Variants in MTUS2 observed in about 807,000 individuals in gnomAD.
MTUS2 encodes microtubule-associated tumor suppressor candidate 2.
In MTUS2, 40 loss-of-function variants were observed where a neutral mutation model predicts 114.1. The ratio of observed to expected loss-of-function variants is 0.35; its 90% CI spans 0.27 to 0.46. The LOEUF (loss-of-function observed/expected upper bound fraction) is 0.46, where lower values mean the gene tolerates loss of function less well. MTUS2 is among the 20% of genes least tolerant of loss of function. The probability of loss-of-function intolerance (pLI) is 1.00; values close to 1 mark genes in which losing one functional copy is unlikely to be tolerated. For missense variants in MTUS2, 1,679 were observed against 1,705.4 expected (o/e 0.98, Z 0.27); for synonymous variants, 688 against 672.0 (o/e 1.02, Z -0.37).
chr13:29,488,061 T>G, intron 11 of MTUS2, 56 bp downstream of exon 11: 1 of 1,362,566 alleles, frequency 7.3e-7, no homozygotes, highest in Non-Finnish European at 1.0e-6. Context: ...TCCGAGCCTT[T>G]CCTGCTGCAG....
intron 5 of MTUS2, among the ~76,000 whole-genome samples, chr13:29,181,876 A>G (rs1169801750): frequency 6.6e-6 from 1 of 151,910 alleles, no homozygotes; most frequent in African/African-American, 2.4e-5. Flanking sequence ...CTTGCTGATA[A>G]TAGAAAATAA....
At chr13:29,241,290 T>C (rs896399111) in intron 5 of MTUS2, among the ~76,000 whole-genome samples, 1 of 152,068 alleles carries the variant, frequency 6.6e-6, no homozygotes, top group Non-Finnish European at 1.5e-5. Flanking sequence ...CATGGAGACT[T>C]TAAGTGAAAA....
intron 2 of MTUS2, among the ~76,000 whole-genome samples, chr13:28,973,498 T>A (rs1277087710): frequency 6.6e-6 from 1 of 152,238 alleles, no homozygotes; most frequent in Admixed American, 6.5e-5. Flanking sequence ...GGTCACAGGA[T>A]ATATGCATCT....
At chr13:29,429,157 G>T (rs1452352056) in intron 8 of MTUS2, among the ~76,000 whole-genome samples, 1 of 152,228 alleles carries the variant, frequency 6.6e-6, no homozygotes, top group Non-Finnish European at 1.5e-5. Flanking sequence ...TCCTGAAATA[G>T]TAGGATTCTG....
intron 2 of MTUS2, among the ~76,000 whole-genome samples, chr13:29,015,058 CATT>C (rs2057470447): frequency 2.6e-5 from 4 of 152,190 alleles, no homozygotes; most frequent in African/African-American, 9.7e-5. Flanking sequence ...TGTATGGTTA[CATT>C]TAAGCGACAT....
intron 2 of MTUS2, among the ~76,000 whole-genome samples, chr13:28,940,598 T>TATAA (rs1882177482): frequency 1.3e-5 from 2 of 151,976 alleles, no homozygotes; most frequent in Non-Finnish European, 2.9e-5. Flanking sequence ...GAAATAGAAC[T>TATAA]ATAAGAGAGT....
chr13:29,246,874 C>T (rs533040456), intron 5 of MTUS2, among the ~76,000 whole-genome samples: 443 of 149,520 alleles, frequency 3.0e-3, no homozygotes, highest in Non-Finnish European at 4.8e-3. Context: ...ATCAAAATAC[C>T]ACCATCTTTC....
chr13:28,918,712 T>G (rs1880881395), intron 2 of MTUS2, among the ~76,000 whole-genome samples: 1 of 152,060 alleles, frequency 6.6e-6, no homozygotes, highest in Non-Finnish European at 1.5e-5. Flanking sequence ...CTCTTGCTAT[T>G]TTGCTGTTTG....
chr13:29,146,822 T>C (rs964406127), intron 5 of MTUS2, among the ~76,000 whole-genome samples: 2 of 152,206 alleles, frequency 1.3e-5, no homozygotes, highest in Admixed American at 1.3e-4. Flanking sequence ...GCACAATATG[T>C]TGCAGGATTG....
At chr13:29,445,654 C>G (rs1043930517) in intron 9 of MTUS2, among the ~76,000 whole-genome samples, 1 of 152,108 alleles carries the variant, frequency 6.6e-6, no homozygotes, top group Non-Finnish European at 1.5e-5. Flanking sequence ...TGCTTATAAT[C>G]CCAGCACTTT....
intron 1 of MTUS2, among the ~76,000 whole-genome samples, chr13:28,821,664 T>C (rs1435156307): frequency 2.0e-4 from 30 of 152,244 alleles, no homozygotes. Context: ...GGCTGATACC[T>C]TGATACCTGT....
intron 2 of MTUS2, among the ~76,000 whole-genome samples, chr13:29,012,791 G>A (rs1037547744): frequency 1.3e-5 from 2 of 151,922 alleles, no homozygotes; most frequent in Admixed American, 6.5e-5. Context: ...GGAGAATGGC[G>A]TGAACCCGGG....
chr13:29,307,200 C>A, intron 6 of MTUS2: 1 of 542,438 alleles, frequency 1.8e-6, no homozygotes, highest in Non-Finnish European at 3.4e-6. Flanking sequence ...AGAATTATGA[C>A]AGCAGCCTCA....
chr13:29,094,696 C>G, intron 4 of MTUS2, among the ~76,000 whole-genome samples: 1 of 151,996 alleles, frequency 6.6e-6, no homozygotes, highest in Non-Finnish European at 1.5e-5. Flanking sequence ...TCACTGTAAT[C>G]TTTATTATTT....
At chr13:29,259,672 G>C (rs1163112604) in intron 5 of MTUS2, among the ~76,000 whole-genome samples, 1 of 152,186 alleles carries the variant, frequency 6.6e-6, no homozygotes, top group East Asian at 1.9e-4. Context: ...ATTTTGCATG[G>C]ATGATAGCTG....
intron 7 of MTUS2, among the ~76,000 whole-genome samples, chr13:29,336,610 G>A (rs530020566): frequency 2.0e-5 from 3 of 152,342 alleles, no homozygotes; most frequent in Admixed American, 2.0e-4. Context: ...CAGTACAGGA[G>A]GCATGGGGGT....
intron 9 of MTUS2, among the ~76,000 whole-genome samples, chr13:29,459,954 C>T (rs1879368103): frequency 6.6e-6 from 1 of 152,192 alleles, no homozygotes; most frequent in African/African-American, 2.4e-5. Context: ...TCCTGGAAGA[C>T]TCAAGTCCAC....
At chr13:29,334,808 A>G (rs1374664173) in intron 7 of MTUS2, among the ~76,000 whole-genome samples, 1 of 152,234 alleles carries the variant, frequency 6.6e-6, no homozygotes, top group Non-Finnish European at 1.5e-5. Flanking sequence ...GCAGAAGAAC[A>G]TAAATTGTGA....
intron 9 of MTUS2, 187 bp from the exon 10 acceptor site, chr13:29,479,963 C>G (rs1222370833): frequency 1.9e-6 from 1 of 534,788 alleles, no homozygotes; most frequent in African/African-American, 1.9e-5. Flanking sequence ...TTCTCAACAT[C>G]CAGGGTCTGT....
Sources: gnomAD v4.1 joint callset for allele counts (sites outside exome capture counted in the v4.1 genomes callset) on GRCh38, gnomAD v4.1.1 for gene constraint, MANE v1.5 for transcripts, NCBI Gene and HGNC (gene_info 2026-07-23, HGNC 2026-07-21) for gene names.